The following KLF12 variants were observed in gnomAD, a reference collection of about 807,000 sequenced individuals.
KLF12 encodes the protein Krueppel-like factor 12.
A neutral mutation model predicts 37.8 loss-of-function variants in KLF12; 9 were observed. The observed-to-expected ratio is 0.24, with a 90% CI of 0.14 to 0.42. KLF12 has a LOEUF of 0.42. Ranked by LOEUF, KLF12 falls within the 10% of genes least tolerant of loss-of-function variation. KLF12 has a pLI of 1.00. For missense variants in KLF12, 411 were observed against 516.0 expected (o/e 0.80, Z 1.97); for synonymous variants, 208 against 202.1 (o/e 1.03, Z -0.25).
chr13:73,984,217 TG>T (rs1762208874), intron 2 of KLF12, among the ~76,000 whole-genome samples: 1 of 152,200 alleles, frequency 6.6e-6, no homozygotes, highest in Non-Finnish European at 1.5e-5. Context: ...CTGTCTTCCC[TG>T]CAGCATGCCA....
chr13:74,170,377 C>T, the KLF12 span, among the ~76,000 whole-genome samples: 3 of 152,114 alleles, frequency 2.0e-5, no homozygotes, highest in Non-Finnish European at 2.9e-5. Context: ...ATTTAACACA[C>T]TTAACAATCT....
intron 6 of KLF12, 117 bp from the exon 7 acceptor site, chr13:73,715,642 C>G: frequency 1.0e-6 from 1 of 990,624 alleles, no homozygotes; most frequent in Admixed American, 2.6e-5. Flanking sequence ...GCCACCATGA[C>G]CACAGTTCTT....
At chr13:74,086,598 T>G (rs1013298067) in intron 1 of KLF12, among the ~76,000 whole-genome samples, 1 of 152,122 alleles carries the variant, frequency 6.6e-6, no homozygotes, top group Non-Finnish European at 1.5e-5. Context: ...CATTTTTGTT[T>G]AAAGGCTTAA....
At chr13:73,888,008 ATTTT>A (rs35761111) in intron 3 of KLF12, among the ~76,000 whole-genome samples, 2 of 147,716 alleles carry the variant, frequency 1.4e-5, no homozygotes, top group East Asian at 4.0e-4. Flanking sequence ...AAATTTCAGA[ATTTT>A]TTTTTTTTGA....
intron 1 of KLF12, among the ~76,000 whole-genome samples, chr13:74,092,540 C>A (rs1415427625): frequency 4.0e-5 from 6 of 151,806 alleles, no homozygotes; most frequent in African/African-American, 1.5e-4. Context: ...AGGAGAAATG[C>A]TTGAATCCTG....
intron 3 of KLF12, among the ~76,000 whole-genome samples, chr13:73,862,255 G>T (rs959347843): frequency 1.3e-5 from 2 of 152,100 alleles, no homozygotes; most frequent in African/African-American, 4.8e-5. Context: ...AAGGGGAAAA[G>T]ACATGTCTAA....
chr13:73,785,496 C>T (rs1231095002), intron 5 of KLF12, among the ~76,000 whole-genome samples: 2 of 152,134 alleles, frequency 1.3e-5, no homozygotes, highest in South Asian at 4.2e-4. Context: ...TTTAATCTTG[C>T]CCAATTTTAA....
chr13:73,820,255 C>T (rs961451599), intron 4 of KLF12, among the ~76,000 whole-genome samples: 1 of 152,256 alleles, frequency 6.6e-6, no homozygotes, highest in Admixed American at 6.5e-5. Flanking sequence ...TCCTTGGTCA[C>T]CTCCTGCTGG....
At chr13:74,139,147 G>A in the KLF12 span, among the ~76,000 whole-genome samples, 1 of 152,090 alleles carries the variant, frequency 6.6e-6, no homozygotes, top group Admixed American at 6.5e-5. Flanking sequence ...AGATTTATTA[G>A]ATGCTTACCT....
At chr13:73,751,937 C>T (rs1699896339) in intron 6 of KLF12, among the ~76,000 whole-genome samples, 1 of 152,152 alleles carries the variant, frequency 6.6e-6, no homozygotes, top group Non-Finnish European at 1.5e-5. Flanking sequence ...TGAGGACACA[C>T]ACAGGCAGCC....
At chr13:74,242,637 G>C in the KLF12 span, among the ~76,000 whole-genome samples, 1 of 152,198 alleles carries the variant, frequency 6.6e-6, no homozygotes, top group Non-Finnish European at 1.5e-5. Context: ...ACAAAGTCAT[G>C]AGGCTAGTTT....
At chr13:74,244,367 G>A in the KLF12 span, among the ~76,000 whole-genome samples, 1 of 152,176 alleles carries the variant, frequency 6.6e-6, no homozygotes, top group East Asian at 1.9e-4. Context: ...GTGGCATGAA[G>A]AACATGAGCT....
chr13:73,910,535 T>C (rs1160847831), intron 3 of KLF12, among the ~76,000 whole-genome samples: 7 of 152,148 alleles, frequency 4.6e-5, no homozygotes, highest in South Asian at 4.2e-4. Context: ...TTCAAACTCT[T>C]GACCCTTAAA....
rs139208692 is a variant in KLF12, at chr13:73,698,898, G to A, written c.1028-3227C>T. 4.0e-3 allele frequency among the ~76,000 whole-genome samples: 602 copies of A among 152,286 alleles called. 6 individuals are homozygous for A. Among genetic ancestry groups the A allele is most frequent in the Admixed American group, 9.5e-3 (146 of 15,306 alleles). ...ATTGGGATTATATATTACACATTGGGTGTTGGAAATGGGTGGGTGAGGGAA... is the reference window on the plus strand; with the variant it reads ...ATTGGGATTATATATTACACATTGGATGTTGGAAATGGGTGGGTGAGGGAA... On this transcript the variant is annotated intron_variant, in intron 7 of 7. Transcript: ENST00000377669.
At chr13:73,917,345 C>T (rs906165094) in intron 3 of KLF12, among the ~76,000 whole-genome samples, 6 of 152,176 alleles carry the variant, frequency 3.9e-5, no homozygotes, top group South Asian at 2.1e-4. Flanking sequence ...TTTACACTAA[C>T]CTTTCCAATG....
At chr13:74,009,763 T>C (rs1385267453) in intron 1 of KLF12, among the ~76,000 whole-genome samples, 6 of 152,178 alleles carry the variant, frequency 3.9e-5, no homozygotes, top group Non-Finnish European at 1.5e-5. Flanking sequence ...AGCATTTACT[T>C]TGTGGATCCA....
At chr13:73,951,588 G>C (rs1338703204) in intron 2 of KLF12, among the ~76,000 whole-genome samples, 1 of 152,154 alleles carries the variant, frequency 6.6e-6, no homozygotes, top group Non-Finnish European at 1.5e-5. Context: ...TATATCAAGA[G>C]ACCAAGTACC....
chr13:74,271,892 G>T, the KLF12 span, among the ~76,000 whole-genome samples: 1 of 152,166 alleles, frequency 6.6e-6, no homozygotes, highest in Non-Finnish European at 1.5e-5. Context: ...TAGGAAGAAG[G>T]GTGAAGGGCA....
At chr13:73,882,543 G>A (rs1339989507) in intron 3 of KLF12, among the ~76,000 whole-genome samples, 3 of 152,148 alleles carry the variant, frequency 2.0e-5, no homozygotes, top group Non-Finnish European at 2.9e-5. Context: ...TAACACTTCC[G>A]TTTCAAAAAC....
Sources: allele counts gnomAD v4.1 joint callset (sites outside exome capture counted in the v4.1 genomes callset), GRCh38; gene constraint gnomAD v4.1.1; transcripts MANE v1.5; gene names NCBI Gene and HGNC (gene_info 2026-07-23, HGNC 2026-07-21).